Variants in SNTG1 observed in about 807,000 individuals in gnomAD.
The protein encoded by SNTG1 is syntrophin gamma 1.
Under a neutral mutation model 74.7 loss-of-function variants are expected in SNTG1, and 39 were observed. That is an observed-to-expected ratio of 0.52 (90% CI 0.40 to 0.68). The LOEUF (loss-of-function observed/expected upper bound fraction) is 0.68, where lower values mean the gene tolerates loss of function less well. Ranked by LOEUF, SNTG1 falls within the 30% of genes least tolerant of loss-of-function variation. The probability of loss-of-function intolerance (pLI) is 0.00; values close to 1 mark genes in which losing one functional copy is unlikely to be tolerated. For missense variants in SNTG1, 685 were observed against 609.5 expected, an observed-to-expected ratio of 1.12 and a Z score of -1.30; for synonymous variants, 254 against 217.1, an observed-to-expected ratio of 1.17 and a Z score of -1.49.
intron 1 of SNTG1, among the ~76,000 whole-genome samples, chr8:50,094,576 G>GA (rs943289644): frequency 4.6e-5 from 7 of 151,730 alleles, no homozygotes; most frequent in Admixed American, 6.6e-5. Flanking sequence ...ATAAGCATAT[G>GA]AAAAAAAATG....
At chr8:50,575,018 A>G (rs1320609717) in intron 12 of SNTG1, among the ~76,000 whole-genome samples, 1 of 152,120 alleles carries the variant, frequency 6.6e-6, no homozygotes, top group South Asian at 2.1e-4. Context: ...ACATTTTCAC[A>G]TTTTTATGAA....
chr8:50,459,819 T>C (rs2093543529), intron 8 of SNTG1, among the ~76,000 whole-genome samples: 1 of 152,180 alleles, frequency 6.6e-6, no homozygotes, highest in South Asian at 2.1e-4. Context: ...TCCAACTCTA[T>C]CCATGTTGCT....
At chr8:50,427,227 G>A (rs1433941197) in intron 4 of SNTG1, among the ~76,000 whole-genome samples, 1 of 152,008 alleles carries the variant, frequency 6.6e-6, no homozygotes, top group African/African-American at 2.4e-5. Context: ...TATGATAAAA[G>A]TTACAGTCAA....
At chr8:50,277,762 C>A (rs988804466) in intron 2 of SNTG1, among the ~76,000 whole-genome samples, 1 of 152,138 alleles carries the variant, frequency 6.6e-6, no homozygotes, top group Non-Finnish European at 1.5e-5. Context: ...TAGGAAGACA[C>A]CTAATCAGGA....
At chr8:50,691,995 C>T (rs1489987333) in intron 15 of SNTG1, among the ~76,000 whole-genome samples, 1 of 152,072 alleles carries the variant, frequency 6.6e-6, no homozygotes, top group Non-Finnish European at 1.5e-5. Flanking sequence ...TCATTTCATT[C>T]ATTTCATCTT....
intron 9 of SNTG1, among the ~76,000 whole-genome samples, chr8:50,518,952 T>C (rs1411424335): frequency 1.3e-5 from 2 of 152,308 alleles, no homozygotes; most frequent in East Asian, 3.9e-4. Flanking sequence ...TAACTCATTT[T>C]ATGAGGCCAT....
At chr8:50,245,354 G>A (rs1000029322) in intron 2 of SNTG1, among the ~76,000 whole-genome samples, 1 of 152,130 alleles carries the variant, frequency 6.6e-6, no homozygotes, top group African/African-American at 2.4e-5. Flanking sequence ...ATAAGTAGCA[G>A]CATGGTATGG....
chr8:50,110,704 A>T (rs995922674), intron 1 of SNTG1, among the ~76,000 whole-genome samples: 5 of 152,044 alleles, frequency 3.3e-5, no homozygotes, highest in Admixed American at 3.3e-4. Context: ...ACATTGTAAC[A>T]TTTTCTGGTC....
At chr8:50,547,078 C>T (rs1047204501) in intron 11 of SNTG1, among the ~76,000 whole-genome samples, 4 of 152,060 alleles carry the variant, frequency 2.6e-5, no homozygotes, top group African/African-American at 4.8e-5. Context: ...CCACCATGCC[C>T]GGCAGAGAAG....
intron 1 of SNTG1, among the ~76,000 whole-genome samples, chr8:49,989,377 A>T (rs1813468423): frequency 6.6e-6 from 1 of 151,972 alleles, no homozygotes; most frequent in Non-Finnish European, 1.5e-5. Context: ...TAAAAATGAT[A>T]TAAACTATAG....
intron 2 of SNTG1, among the ~76,000 whole-genome samples, chr8:50,353,341 G>A (rs148256345): frequency 0.014 from 2,138 of 152,012 alleles, 62 homozygotes; most frequent in African/African-American, 0.049. Flanking sequence ...CCAACATGGC[G>A]CATGTATACA....
intron 1 of SNTG1, among the ~76,000 whole-genome samples, chr8:50,093,961 A>AGAT: frequency 6.6e-6 from 1 of 152,292 alleles, no homozygotes; most frequent in South Asian, 2.1e-4. Flanking sequence ...TACTTGAGAT[A>AGAT]GACAGAACAA....
At chr8:50,207,662 T>C (rs2084313592) in intron 2 of SNTG1, among the ~76,000 whole-genome samples, 1 of 152,200 alleles carries the variant, frequency 6.6e-6, no homozygotes, top group African/African-American at 2.4e-5. Flanking sequence ...GATATTATGG[T>C]GTCAATTTTA....
chr8:50,281,046 C>T (rs762325382), intron 2 of SNTG1, among the ~76,000 whole-genome samples: 22 of 149,320 alleles, frequency 1.5e-4, no homozygotes, highest in African/African-American at 4.2e-4. Flanking sequence ...AGAAAAGGGA[C>T]GAGGATTCTC....
intron 8 of SNTG1, among the ~76,000 whole-genome samples, chr8:50,471,110 A>G (rs948523433): frequency 1.3e-5 from 2 of 152,250 alleles, no homozygotes; most frequent in East Asian, 1.9e-4. Context: ...TTAGCTAGAC[A>G]GAAAAGTTCC....
At chr8:50,077,718 A>T (rs1189600601) in intron 1 of SNTG1, among the ~76,000 whole-genome samples, 1 of 152,138 alleles carries the variant, frequency 6.6e-6, no homozygotes, top group Non-Finnish European at 1.5e-5. Context: ...GCTTGCTTGT[A>T]CCCCTTTGGA....
At chr8:50,749,610 C>T (rs2095562679) in intron 17 of SNTG1, among the ~76,000 whole-genome samples, 1 of 152,084 alleles carries the variant, frequency 6.6e-6, no homozygotes, top group South Asian at 2.1e-4. Context: ...ACCAATGCAG[C>T]TCGTGACTAA....
chr8:50,704,821 T>C (rs970834345), intron 16 of SNTG1, 69 bp downstream of exon 16: 3 of 1,541,228 alleles, frequency 1.9e-6, no homozygotes, highest in African/African-American at 2.7e-5. Context: ...AGAGTTCTAA[T>C]ATCATTCCAA....
At chr8:50,089,537 A>G (rs922805338) in intron 1 of SNTG1, among the ~76,000 whole-genome samples, 3 of 152,090 alleles carry the variant, frequency 2.0e-5, no homozygotes, top group African/African-American at 7.2e-5. Context: ...CAGAATCTAC[A>G]ATGAACTCAA....
Sources: allele counts gnomAD v4.1 joint callset (sites outside exome capture counted in the v4.1 genomes callset), GRCh38; gene constraint gnomAD v4.1.1; transcripts MANE v1.5; gene names NCBI Gene and HGNC (gene_info 2026-07-23, HGNC 2026-07-21).